The following SPECC1 variants were observed in gnomAD, a reference collection of about 807,000 sequenced individuals.
SPECC1 encodes the protein cytospin-B.
Under a neutral mutation model 104.1 loss-of-function variants are expected in SPECC1, and 62 were observed. The ratio of observed to expected loss-of-function variants is 0.60; its 90% CI spans 0.49 to 0.74. The LOEUF (loss-of-function observed/expected upper bound fraction) is 0.74. Ranked by LOEUF, SPECC1 falls within the 30% of genes least tolerant of loss-of-function variation. The pLI is 0.00. For missense variants in SPECC1, 1,306 were observed against 1,310.5 expected (o/e 1.00, Z 0.05); for synonymous variants, 513 against 501.6 (o/e 1.02, Z -0.30).
chr17:20,253,404 A>T, intron 9 of SPECC1, 101 bp from the exon 10 acceptor site: 1 of 1,139,124 alleles, frequency 8.8e-7, no homozygotes, highest in Non-Finnish European at 1.3e-6. Context: ...CACTGTGTTT[A>T]AGAACTGTTG....
chr17:20,268,892 A>G (rs2040305377), intron 12 of SPECC1, among the ~76,000 whole-genome samples: 1 of 152,194 alleles, frequency 6.6e-6, no homozygotes, highest in Non-Finnish European at 1.5e-5. Flanking sequence ...TGGTGTGTGC[A>G]TGCCCAGAGG....
In SPECC1 at chr17:20,317,733, CACAA is replaced by C. The variant is rs965561544; in HGVS notation, c.*3670_*3673del. On this transcript the variant is annotated 3_prime_UTR_variant, in exon 15 of 15. Transcript: ENST00000395527. ...AGAGCAAGACCCTGTCACACACACA[CACAA>C]AAAAAAGAAATACAGGTGGTGTTTT... 6 of 217,630 alleles carry C rather than the reference CACAA, an allele frequency of 2.8e-5. No individual in the cohort carries two copies. Among genetic ancestry groups the C allele is most frequent in the South Asian group, 3.7e-4 (2 of 5,412 alleles). 13.5% of individuals were successfully genotyped at this position (217,630 alleles called of 1,614,324 possible).
Position 20,168,716 on chromosome 17 carries a change from A to G in SPECC1, c.284-35617A>G, listed in dbSNP as rs534437871. 9.2e-5 allele frequency among the ~76,000 whole-genome samples: 14 copies of G among 152,354 alleles called. No homozygotes were observed. The East Asian group carries it at 2.3e-3, about 25-fold the overall frequency. ...TGAAAAAGCATGAGAACTTATGGCA[A>G]TTTAGTAAGGTAACCAGCTTGGAAA... is the stretch of plus-strand genomic sequence containing the variant. On this transcript the variant is annotated intron_variant, in intron 3 of 14. Coordinates refer to ENST00000395527, the MANE Select transcript of SPECC1 (RefSeq NM_001243439.2).
intron 12 of SPECC1, among the ~76,000 whole-genome samples, chr17:20,272,339 ATT>A (rs35441010): frequency 0.094 from 13,877 of 148,410 alleles, 798 homozygotes; most frequent in Non-Finnish European, 0.13. Flanking sequence ...TTAATTTTGC[ATT>A]TTTTTTTTTG....
intron 3 of SPECC1, among the ~76,000 whole-genome samples, chr17:20,132,959 TC>T (rs1224489359): frequency 6.6e-6 from 1 of 152,092 alleles, no homozygotes; most frequent in African/African-American, 2.4e-5. Context: ...CAGGATGGTC[TC>T]GATCTCCTGA....
chr17:20,044,400 G>A (rs1218040789), intron 1 of SPECC1, among the ~76,000 whole-genome samples: 1 of 152,144 alleles, frequency 6.6e-6, no homozygotes, highest in Non-Finnish European at 1.5e-5. Context: ...CTGGTTTTCA[G>A]CCTCTACTTG....
intron 3 of SPECC1, among the ~76,000 whole-genome samples, chr17:20,166,844 T>C (rs990069171): frequency 6.6e-6 from 1 of 152,114 alleles, no homozygotes; most frequent in East Asian, 1.9e-4. Context: ...GGACCAGGCA[T>C]GGTGGCAAAT....
At chr17:20,284,626 C>G (rs936718473) in intron 12 of SPECC1, among the ~76,000 whole-genome samples, 1 of 152,248 alleles carries the variant, frequency 6.6e-6, no homozygotes, top group African/African-American at 2.4e-5. Context: ...ACCAGACCTT[C>G]AAAGTAAGTG....
At chr17:20,154,900 C>A (rs900832331) in intron 3 of SPECC1, among the ~76,000 whole-genome samples, 2 of 151,936 alleles carry the variant, frequency 1.3e-5, no homozygotes, top group Non-Finnish European at 2.9e-5. Flanking sequence ...TGAAAGGAGT[C>A]GAGGTTTCTG....
At chr17:20,054,618 CTT>C (rs1233431402) in intron 1 of SPECC1, among the ~76,000 whole-genome samples, 1 of 152,092 alleles carries the variant, frequency 6.6e-6, no homozygotes, top group Non-Finnish European at 1.5e-5. Context: ...CTGTTCATCT[CTT>C]TTTTGTTGTT....
At chr17:20,270,453 A>C (rs957836526) in intron 12 of SPECC1, among the ~76,000 whole-genome samples, 30 of 145,292 alleles carry the variant, frequency 2.1e-4, no homozygotes, top group Admixed American at 4.1e-4. Context: ...AAAAAAAAAA[A>C]AAAAAAAAAA....
At chr17:20,104,297 G>A (rs538223138) in intron 2 of SPECC1, among the ~76,000 whole-genome samples, 7 of 152,314 alleles carry the variant, frequency 4.6e-5, no homozygotes, top group African/African-American at 1.7e-4. Context: ...CAGACAGTGT[G>A]GGGTATTTTT....
intron 1 of SPECC1, among the ~76,000 whole-genome samples, chr17:20,036,574 C>T (rs2045092298): frequency 6.6e-6 from 1 of 151,942 alleles, no homozygotes; most frequent in Non-Finnish European, 1.5e-5. Flanking sequence ...CGCTTAACAC[C>T]CACTCTTTTA....
At chr17:20,151,041 A>T (rs1169340198) in intron 3 of SPECC1, among the ~76,000 whole-genome samples, 2 of 152,204 alleles carry the variant, frequency 1.3e-5, no homozygotes, top group African/African-American at 4.8e-5. Flanking sequence ...TAAAACGCTT[A>T]GATTATAGGT....
chr17:20,313,845 C>T, intron 14 of SPECC1, 131 bp from the exon 15 acceptor site: 2 of 765,602 alleles, frequency 2.6e-6, no homozygotes, highest in East Asian at 2.7e-5. Flanking sequence ...CCTGTGCTGG[C>T]CTTCACGTTC....
intron 4 of SPECC1, among the ~76,000 whole-genome samples, chr17:20,222,288 C>T (rs1313129610): frequency 6.6e-6 from 1 of 151,990 alleles, no homozygotes; most frequent in Non-Finnish European, 1.5e-5. Context: ...GAAGCGAGAT[C>T]GCACCACCAC....
intron 13 of SPECC1, among the ~76,000 whole-genome samples, chr17:20,300,483 C>CA (rs2142076827): frequency 6.6e-6 from 1 of 152,382 alleles, no homozygotes; most frequent in East Asian, 1.9e-4. Flanking sequence ...CACATGCACA[C>CA]ACCTACGTCC....
At chr17:20,056,238 T>C (rs1474415342) in intron 1 of SPECC1, 1 of 152,174 alleles carries the variant, frequency 6.6e-6, no homozygotes, top group Non-Finnish European at 1.5e-5. Flanking sequence ...TAAAAATAAA[T>C]ATTAAATAAT....
At chr17:20,248,093 G>A (rs914140659) in intron 9 of SPECC1, among the ~76,000 whole-genome samples, 2 of 152,188 alleles carry the variant, frequency 1.3e-5, no homozygotes, top group Admixed American at 1.3e-4. Context: ...TGCCAGAAAA[G>A]CACACTCTGT....
Sources: allele counts gnomAD v4.1 joint callset (sites outside exome capture counted in the v4.1 genomes callset), GRCh38; gene constraint gnomAD v4.1.1; transcripts MANE v1.5; gene names NCBI Gene and HGNC (gene_info 2026-07-23, HGNC 2026-07-21).